Variants in ATMIN observed in about 807,000 individuals in gnomAD.
ATMIN encodes the protein ATM INteracting protein.
ATMIN carries 24 observed loss-of-function variants against 49.2 expected under a neutral mutation model. That is an observed-to-expected ratio of 0.49 (90% CI 0.35 to 0.69). ATMIN has a LOEUF of 0.69. Among genes scored for constraint, ATMIN ranks in the 30% least tolerant of loss-of-function variants. ATMIN has a pLI of 0.00. For synonymous variants in ATMIN, 450 were observed against 392.5 expected (o/e 1.15, Z -1.73); for missense variants, 1,037 against 1,005.5 (o/e 1.03, Z -0.42).
chr16:81,037,281 A>G (rs1033277170), intron 1 of ATMIN: 2 of 985,490 alleles, frequency 2.0e-6, no homozygotes, highest in Non-Finnish European at 2.4e-6. Flanking sequence ...TAGAGTACCC[A>G]GAATATTGCA....
Position 81,044,380 on chromosome 16 carries a change from C to T in ATMIN, c.1882C>T (p.Pro628Ser). The change falls in exon 4 of 4, where the codon CCA becomes TCA. Residue 628 changes from proline to serine, a missense_variant. Coordinates refer to ENST00000299575, the MANE Select transcript of ATMIN (RefSeq NM_015251.3). The stretch of plus-strand genomic sequence containing the variant: ...ACCTGACACCCAGCTCCCATCTGGC[C>T]CAGCCCAGAACCCCGGAATCGATTT... Reference protein sequence around the residue: ...PGPDTQLPSGPAQNPGIDFDI... With the variant: ...PGPDTQLPSGSAQNPGIDFDI... The T allele has an allele frequency of 1.2e-6, 2 of 1,614,040 alleles. No individual in the cohort carries two copies. The highest frequency in any genetic ancestry group is 1.7e-6 in the Non-Finnish European group (2 of 1,179,992).
intron 1 of ATMIN, chr16:81,037,498 G>C (rs1403207653): frequency 2.0e-5 from 20 of 985,348 alleles, no homozygotes; most frequent in Non-Finnish European, 2.3e-5. Context: ...AGACCGTGCA[G>C]GTGGGGCCGA....
intron 1 of ATMIN, chr16:81,040,767 T>C (rs1023513123): frequency 6.5e-6 from 1 of 154,206 alleles, no homozygotes; most frequent in African/African-American, 2.4e-5. Flanking sequence ...GGTAATGACA[T>C]GATCGAAGCT....
rs1971098604 is a variant in ATMIN, at chr16:81,045,197, A to G, written c.*227A>G. On this transcript the variant is annotated 3_prime_UTR_variant, in exon 4 of 4. Transcript: ENST00000299575. The stretch of plus-strand genomic sequence containing the variant: ...TCTAAATTGTTTTTGTGTTGCCTAC[A>G]TTTGCCTTTTCACAGCTAGTCTTTT... 2 of 539,126 alleles carry G rather than the reference A, an allele frequency of 3.7e-6. No homozygotes were observed. Among genetic ancestry groups the G allele is most frequent in the Non-Finnish European group, 6.2e-6 (2 of 323,756 alleles). 33.4% of individuals were successfully genotyped at this position (539,126 alleles called of 1,614,324 possible). A position where few individuals can be genotyped will look rare whatever the true frequency, so the allele number is the denominator to read the frequency against.
At position 81,044,823 on chromosome 16, in the gene ATMIN, G is replaced by C. The variant is rs1971093006; in HGVS notation, c.2325G>C (p.Leu775=). ...CCATGAGTTCTGGGTTTGAAACCCT[G>C]GGGAGCTTGTTCTTCACCAGCAACG... ...TQTMSSGFET[L]GSLFFTSNET... Residue 775 remains leucine (L), a synonymous_variant, in exon 4 of 4, where the codon CTG becomes CTC. Coordinates refer to ENST00000299575, the MANE Select transcript of ATMIN (RefSeq NM_015251.3). 1 of 1,614,070 alleles carries C rather than the reference G, an allele frequency of 6.2e-7. No homozygotes were observed. The highest frequency in any genetic ancestry group is 8.5e-7 in the Non-Finnish European group (1 of 1,180,042).
chr16:81,042,598 T>C (rs1971053686), intron 3 of ATMIN, 118 bp downstream of exon 3: 1 of 1,086,202 alleles, frequency 9.2e-7, no homozygotes, highest in Non-Finnish European at 1.3e-6. Flanking sequence ...ATGTGTGACG[T>C]GGAAGAAGGA....
chr16:81,035,902 G>C lies in ATMIN; in HGVS notation c.32G>C (p.Gly11Ala). MAASEAAAAAGSAALAAGARA... is the reference protein window; with the variant it reads MAASEAAAAAASAALAAGARA... ...GCCTCGGAGGCGGCGGCGGCGGCGG[G>C]GTCCGCGGCTCTGGCGGCGGGTGCC... The change falls in exon 1 of 4, where the codon GGG becomes GCG. Residue 11 changes from glycine to alanine, a missense_variant. Physicochemically the swap from Gly to Ala is moderately conservative, Grantham distance 60. Coordinates refer to ENST00000299575, the MANE Select transcript of ATMIN (RefSeq NM_015251.3). The C allele has an allele frequency of 1.0e-6, 1 of 982,680 alleles. No individual in the cohort carries two copies. Among genetic ancestry groups the C allele is most frequent in the Non-Finnish European group, 1.2e-6 (1 of 829,014 alleles). The allele number at this position is 982,680 out of a possible 1,614,324, so 60.9% of individuals were successfully genotyped here.
At chr16:81,042,564 G>T in intron 3 of ATMIN, 84 bp downstream of exon 3, 1 of 1,395,738 alleles carries the variant, frequency 7.2e-7, no homozygotes, top group Non-Finnish European at 9.9e-7. Context: ...CAGTGGTGTG[G>T]GGAGGAAAAA....
At chr16:81,038,884 T>C (rs1970991743) in intron 1 of ATMIN, among the ~76,000 whole-genome samples, 2 of 152,052 alleles carry the variant, frequency 1.3e-5, no homozygotes, top group South Asian at 2.1e-4. Context: ...CAACTTCCGC[T>C]TCTCGGGTTC....
intron 1 of ATMIN, among the ~76,000 whole-genome samples, chr16:81,038,378 G>T (rs552165053): frequency 6.6e-6 from 1 of 151,922 alleles, no homozygotes; most frequent in Non-Finnish European, 1.5e-5. Flanking sequence ...TGATCCACCC[G>T]CCTCAGCCTC....
In ATMIN at chr16:81,043,543, G is replaced by A. The variant is rs778841012; in HGVS notation, c.1045G>A (p.Gly349Arg). Reference sequence around the variant, plus strand: ...TGTGCACTTAATGCCCTTGTCAGTAGGAACCCTGATCCTCGGCCTAGATTC... The same window carrying A: ...TGTGCACTTAATGCCCTTGTCAGTAAGAACCCTGATCCTCGGCCTAGATTC... ...GAVHLMPLSV[G>R]TLILGLDSEA... The change falls in exon 4 of 4, where the codon GGA becomes AGA. Residue 349 changes from glycine (G) to arginine (R), a missense_variant. Coordinates refer to ENST00000299575, the MANE Select transcript of ATMIN (RefSeq NM_015251.3). 6.2e-7 allele frequency: 1 copy of A among 1,614,082 alleles called. No homozygotes were observed. The highest frequency in any genetic ancestry group is 8.5e-7 in the Non-Finnish European group (1 of 1,180,016).
In ATMIN at chr16:81,043,952, A is replaced by G. The variant is rs777402515; in HGVS notation, c.1454A>G (p.Gln485Arg). ...QTDAFMDTCF[Q>R]SGGVSRETQT... The stretch of plus-strand genomic sequence containing the variant: ...GATGCATTTATGGACACCTGTTTCC[A>G]GTCAGGTGGGGTCTCCAGAGAAACT... Residue 485 changes from glutamine (Q) to arginine (R), a missense_variant, in exon 4 of 4, where the codon CAG (glutamine) becomes CGG (arginine). Coordinates refer to ENST00000299575, the MANE Select transcript of ATMIN (RefSeq NM_015251.3). 2 of 1,614,220 alleles carry G rather than the reference A, an allele frequency of 1.2e-6. No individual in the cohort carries two copies.
Position 81,043,574 on chromosome 16 carries a change from C to T in ATMIN, c.1076C>T (p.Ala359Val), listed in dbSNP as rs1250969567. 1 of 1,614,128 alleles carries T rather than the reference C, an allele frequency of 6.2e-7. No individual in the cohort carries two copies. Among genetic ancestry groups the T allele is most frequent in the Non-Finnish European group, 8.5e-7 (1 of 1,180,044 alleles). ...GTLILGLDSEACSLKESLPLF... is the reference protein window; with the variant it reads ...GTLILGLDSEVCSLKESLPLF... The stretch of plus-strand genomic sequence containing the variant: ...CTGATCCTCGGCCTAGATTCAGAGG[C>T]TTGCTCTCTTAAGGAGAGCCTACCT... Residue 359 changes from alanine to valine, a missense_variant, in exon 4 of 4, where the codon GCT becomes GTT. Physicochemically the swap from Ala to Val is moderately conservative, Grantham distance 64 (BLOSUM62 0). Transcript: ENST00000299575.
Position 81,043,686 on chromosome 16 carries a change from A to T in ATMIN, c.1188A>T (p.Leu396Phe). 2 of 1,614,230 alleles carry T rather than the reference A, an allele frequency of 1.2e-6. No homozygotes were observed. The highest frequency in any genetic ancestry group is 1.7e-6 in the Non-Finnish European group (2 of 1,180,034). Residue 396 changes from leucine (L) to phenylalanine (F), a missense_variant, in exon 4 of 4, where the codon TTA (leucine) becomes TTT (phenylalanine). Leu to Phe is a conservative substitution (Grantham distance 22, BLOSUM62 0). Transcript: ENST00000299575. ...VNFGKSPSNP[L>F]QELGNTCQKN... ...TTGGTAAAAGTCCATCTAATCCTTT[A>T]CAAGAACTAGGGAACACGTGTCAAA...
chr16:81,044,579 T>C lies in ATMIN; in HGVS notation c.2081T>C (p.Phe694Ser). Residue 694 changes from phenylalanine (F) to serine (S), a missense_variant, in exon 4 of 4, where the codon TTC becomes TCC. Physicochemically the swap from Phe to Ser is radical, Grantham distance 155. Transcript: ENST00000299575. ...QSYGCRGNSN[F>S]LGLEMFDTQT... Reference sequence around the variant, plus strand: ...TATGGGTGTAGGGGAAATTCTAACTTCTTAGGCCTTGAGATGTTTGACACA... The same window carrying C: ...TATGGGTGTAGGGGAAATTCTAACTCCTTAGGCCTTGAGATGTTTGACACA... 1.2e-6 allele frequency: 2 copies of C among 1,614,020 alleles called. No homozygotes were observed. The highest frequency in any genetic ancestry group is 1.7e-6 in the Non-Finnish European group (2 of 1,180,000).
chr16:81,038,707 G>C (rs993887369), intron 1 of ATMIN, among the ~76,000 whole-genome samples: 35 of 152,140 alleles, frequency 2.3e-4, no homozygotes, highest in African/African-American at 8.2e-4. Flanking sequence ...GTTGCTGTCA[G>C]GCTCTTGAGC....
intron 1 of ATMIN, among the ~76,000 whole-genome samples, chr16:81,036,831 C>G (rs1207897235): frequency 6.6e-6 from 1 of 152,102 alleles, no homozygotes; most frequent in Non-Finnish European, 1.5e-5. Context: ...GCACACCGCA[C>G]CCCATCAGTA....
rs1970917183 is a variant in ATMIN, at chr16:81,035,884, A to C, written c.14A>C (p.Glu5Ala). The C allele has an allele frequency of 1.1e-6, 1 of 941,310 alleles. No individual in the cohort carries two copies. 58.3% of individuals were successfully genotyped at this position (941,310 alleles called of 1,614,324 possible). A position where few individuals can be genotyped will look rare whatever the true frequency, so the allele number is the denominator to read the frequency against. Reference protein sequence around the residue: MAASEAAAAAGSAAL... With the variant: MAASAAAAAAGSAAL... The stretch of plus-strand genomic sequence containing the variant: ...CGTGCGGGAGCCATGGCGGCCTCGG[A>C]GGCGGCGGCGGCGGCGGGGTCCGCG... Residue 5 changes from glutamate (E) to alanine (A), a missense_variant, in exon 1 of 4, where the codon GAG (glutamate) becomes GCG (alanine). Coordinates refer to ENST00000299575, the MANE Select transcript of ATMIN (RefSeq NM_015251.3).
intron 2 of ATMIN, among the ~76,000 whole-genome samples, chr16:81,041,966 G>A (rs1971043660): frequency 6.6e-6 from 1 of 152,168 alleles, no homozygotes; most frequent in Admixed American, 6.5e-5. Flanking sequence ...TCTGCTGGAG[G>A]GCGTCCTGAG....
Sources: gnomAD v4.1 joint callset for allele counts (sites outside exome capture counted in the v4.1 genomes callset) on GRCh38, gnomAD v4.1.1 for gene constraint, MANE v1.5 for transcripts, NCBI Gene and HGNC (gene_info 2026-07-23, HGNC 2026-07-21) for gene names.